AGBL2: variants seen among roughly 807,000 people sequenced by gnomAD.
AGBL2 encodes cytosolic carboxypeptidase 2.
Under a neutral mutation model 103.0 loss-of-function variants are expected in AGBL2, and 87 were observed. That is an observed-to-expected ratio of 0.84 (90% CI 0.71 to 1.01). The LOEUF is 1.01. Ranked by LOEUF, AGBL2 falls within the 50% of genes least tolerant of loss-of-function variation. The pLI is 0.00. For missense variants in AGBL2, 904 were observed against 1,023.5 expected (o/e 0.88, Z 1.59); for synonymous variants, 335 against 356.7 (o/e 0.94, Z 0.69).
chr11:47,678,828 C>T (rs939576187), intron 13 of AGBL2, among the ~76,000 whole-genome samples: 7 of 150,182 alleles, frequency 4.7e-5, no homozygotes, highest in African/African-American at 7.3e-5. Flanking sequence ...GAGGCTGAGG[C>T]GGGCAGATTA....
In AGBL2 at chr11:47,681,968, C is replaced by T; in HGVS notation, c.1915+1G>A. On this transcript the variant is annotated splice_donor_variant, in intron 12 of 18. Coordinates refer to ENST00000525123, the MANE Select transcript of AGBL2 (RefSeq NM_024783.4). LOFTEE classifies it high-confidence loss of function. Reference sequence around the variant, plus strand: ...CCTATGATATACAAAAGAGAATGTACCCAGGGTGGACCCGCCAAAGGTAGA... The same window carrying T: ...CCTATGATATACAAAAGAGAATGTATCCAGGGTGGACCCGCCAAAGGTAGA... The T allele has an allele frequency of 6.2e-7, 1 of 1,613,468 alleles. No homozygotes were observed. The highest frequency in any genetic ancestry group is 8.5e-7 in the Non-Finnish European group (1 of 1,179,826).
intron 6 of AGBL2, 77 bp from the exon 7 acceptor site, chr11:47,704,805 A>C (rs2097511862): frequency 2.6e-6 from 3 of 1,143,924 alleles, no homozygotes; most frequent in Non-Finnish European, 3.8e-6. Flanking sequence ...ATAACAATGA[A>C]ACTATTTTAA....
In AGBL2 at chr11:47,692,404, C is replaced by CTTTTTTTT. The variant is rs11286504; in HGVS notation, c.695-156_695-149dup. On this transcript the variant is annotated intron_variant, in intron 8 of 18. Coordinates refer to ENST00000525123, the MANE Select transcript of AGBL2 (RefSeq NM_024783.4). Reference sequence around the variant, plus strand: ...AACTATCTTTGCAGAGACTTTTAATCTTTTTTTTTTTTTTTTTTTTTTTTT... The same window carrying CTTTTTTTT: ...AACTATCTTTGCAGAGACTTTTAATCTTTTTTTTTTTTTTTTTTTTTTTTTTTTTTTTT... 23 of 99,108 alleles carry CTTTTTTTT rather than the reference C, an allele frequency of 2.3e-4. 1 individual carries two copies. Among genetic ancestry groups the CTTTTTTTT allele is most frequent in the African/African-American group, 3.8e-4 (7 of 18,494 alleles). 6.1% of individuals were successfully genotyped at this position (99,108 alleles called of 1,614,324 possible).
intron 9 of AGBL2, among the ~76,000 whole-genome samples, chr11:47,691,850 C>T (rs548795006): frequency 7.0e-6 from 1 of 143,832 alleles, no homozygotes; most frequent in Admixed American, 7.1e-5. Context: ...GACTATAGGA[C>T]TTTTTATGTT....
intron 9 of AGBL2, among the ~76,000 whole-genome samples, chr11:47,691,729 A>AAAAAAAAAAAAATATATACATATAT: frequency 2.1e-4 from 1 of 4,850 alleles, no homozygotes; most frequent in Non-Finnish European, 3.6e-4. Flanking sequence ...AAAAAAAAAA[A>AAAAAAAAAAAAATATATACATATAT]ATATATATAT....
intron 8 of AGBL2, among the ~76,000 whole-genome samples, chr11:47,694,002 C>T (rs2097457773): frequency 6.6e-6 from 1 of 151,980 alleles, no homozygotes; most frequent in African/African-American, 2.4e-5. Flanking sequence ...CCAGCCTGGG[C>T]AACATGGCAA....
intron 14 of AGBL2, 38 bp downstream of exon 14, chr11:47,677,233 A>AT (rs756885881): frequency 2.7e-6 from 4 of 1,502,770 alleles, no homozygotes; most frequent in Non-Finnish European, 3.6e-6. Flanking sequence ...ACAACAAAGT[A>AT]TTTAAAAAAA....
chr11:47,688,200 C>A (rs2097431774), intron 10 of AGBL2, among the ~76,000 whole-genome samples: 1 of 152,048 alleles, frequency 6.6e-6, no homozygotes, highest in Non-Finnish European at 1.5e-5. Flanking sequence ...CTCAAGTGAT[C>A]CTCCTGCCTC....
intron 16 of AGBL2, 45 bp from the exon 17 acceptor site, chr11:47,667,108 A>C: frequency 2.3e-6 from 3 of 1,327,932 alleles, no homozygotes; most frequent in Non-Finnish European, 3.1e-6. Context: ...GATCTATTCA[A>C]AATTGATCCA....
At chr11:47,684,332 C>T (rs2097415109) in intron 11 of AGBL2, among the ~76,000 whole-genome samples, 1 of 151,674 alleles carries the variant, frequency 6.6e-6, no homozygotes, top group African/African-American at 2.4e-5. Flanking sequence ...CTTTGGGAGG[C>T]TGAGGCGGGT....
chr11:47,698,434 A>G (rs2097485454), intron 8 of AGBL2, among the ~76,000 whole-genome samples: 1 of 152,152 alleles, frequency 6.6e-6, no homozygotes, highest in Non-Finnish European at 1.5e-5. Flanking sequence ...GGCCTCCCAA[A>G]GTGCTGGGAT....
At chr11:47,686,152 C>T (rs1319508431) in intron 10 of AGBL2, 103 bp from the exon 11 acceptor site, 1 of 1,221,242 alleles carries the variant, frequency 8.2e-7, no homozygotes, top group Non-Finnish European at 1.2e-6. Flanking sequence ...TAATACTTTC[C>T]CTCCTAAGAA....
At chr11:47,675,352 T>G in intron 14 of AGBL2, among the ~76,000 whole-genome samples, 1 of 146,686 alleles carries the variant, frequency 6.8e-6, no homozygotes, top group African/African-American at 2.5e-5. Context: ...GGACTACAGG[T>G]GCATACCCCG....
At chr11:47,688,777 T>C (rs536492334) in intron 10 of AGBL2, among the ~76,000 whole-genome samples, 2 of 152,236 alleles carry the variant, frequency 1.3e-5, no homozygotes, top group East Asian at 3.9e-4. Context: ...CATATGCTCT[T>C]TAGCTATGCC....
chr11:47,688,803 T>G (rs1220213794), intron 10 of AGBL2, among the ~76,000 whole-genome samples: 10 of 152,138 alleles, frequency 6.6e-5, no homozygotes, highest in Admixed American at 5.9e-4. Context: ...TGGTGCCATC[T>G]CAGCTCATTG....
intron 14 of AGBL2, among the ~76,000 whole-genome samples, chr11:47,670,098 G>C (rs1229714393): frequency 6.6e-6 from 1 of 152,226 alleles, no homozygotes; most frequent in African/African-American, 2.4e-5. Context: ...TGGAGGTTGT[G>C]AGAGGCTACA....
intron 8 of AGBL2, among the ~76,000 whole-genome samples, chr11:47,695,658 C>T (rs1262969945): frequency 6.7e-6 from 1 of 150,280 alleles, no homozygotes; most frequent in African/African-American, 2.5e-5. Context: ...CCTGTAGCCC[C>T]AGCTACTCAG....
At chr11:47,673,674 A>G (rs2097364360) in intron 14 of AGBL2, among the ~76,000 whole-genome samples, 1 of 150,902 alleles carries the variant, frequency 6.6e-6, no homozygotes, top group Non-Finnish European at 1.5e-5. Flanking sequence ...GCCTGTAATA[A>G]TCCCAGCTAC....
At chr11:47,699,632 A>T in intron 7 of AGBL2, 79 bp from the exon 8 acceptor site, 2 of 760,906 alleles carry the variant, frequency 2.6e-6, no homozygotes, top group Non-Finnish European at 4.0e-6. Context: ...AAATAATAAT[A>T]ATAATTTTTC....
Sources: allele counts gnomAD v4.1 joint callset (sites outside exome capture counted in the v4.1 genomes callset), GRCh38; gene constraint gnomAD v4.1.1; transcripts MANE v1.5; gene names NCBI Gene and HGNC (gene_info 2026-07-23, HGNC 2026-07-21).